Variants in ZZZ3 observed in about 807,000 individuals in gnomAD.
ZZZ3 encodes ZZ-type zinc finger-containing protein 3.
A neutral mutation model predicts 95.2 loss-of-function variants in ZZZ3; 22 were observed. The ratio of observed to expected loss-of-function variants is 0.23; its 90% CI spans 0.17 to 0.33. The LOEUF is 0.33. ZZZ3 is among the 10% of genes least tolerant of loss of function. The pLI, the probability that ZZZ3 is intolerant of heterozygous loss-of-function variation, is 1.00. For missense variants in ZZZ3, 885 were observed against 1,066.5 expected (o/e 0.83, Z 2.37); for synonymous variants, 335 against 358.9 (o/e 0.93, Z 0.75).
In ZZZ3 at chr1:77,578,935, A is replaced by C. The variant is rs1662235996; in HGVS notation, c.2083-66T>G. ...ATACAATACCTGAGTCGTTTTTAAAAATTAAAACGTACATGAGTATCTAAT... is the reference window on the plus strand; with the variant it reads ...ATACAATACCTGAGTCGTTTTTAAACATTAAAACGTACATGAGTATCTAAT... On this transcript the variant is annotated intron_variant, in intron 10 of 14. Coordinates refer to ENST00000370801, the MANE Select transcript of ZZZ3 (RefSeq NM_015534.6). 10 of 922,178 alleles carry C rather than the reference A, an allele frequency of 1.1e-5. No homozygotes were observed. In the South Asian group the frequency reaches 2.4e-4, roughly 22 times the overall value. 57.1% of individuals were successfully genotyped at this position (922,178 alleles called of 1,614,324 possible).
At chr1:77,598,211 G>A (rs772899374) in intron 5 of ZZZ3, among the ~76,000 whole-genome samples, 1 of 152,042 alleles carries the variant, frequency 6.6e-6, no homozygotes, top group Non-Finnish European at 1.5e-5. Flanking sequence ...TATTTTGTAT[G>A]ATACCTATAA....
chr1:77,668,276 C>T (rs373784458), intron 1 of ZZZ3, among the ~76,000 whole-genome samples: 27 of 152,218 alleles, frequency 1.8e-4, no homozygotes, highest in African/African-American at 3.6e-4. Flanking sequence ...CTGAAACCTG[C>T]TTTTCTGGGA....
chr1:77,680,633 C>G (rs907881387), intron 1 of ZZZ3, among the ~76,000 whole-genome samples: 4 of 152,166 alleles, frequency 2.6e-5, no homozygotes, highest in Admixed American at 6.5e-5. Flanking sequence ...AGCCGCTTAG[C>G]AACTTCAAGT....
chr1:77,575,613 T>G (rs537186627), intron 12 of ZZZ3, among the ~76,000 whole-genome samples: 1 of 152,168 alleles, frequency 6.6e-6, no homozygotes, highest in Admixed American at 6.5e-5. Flanking sequence ...AACAAAAACA[T>G]TGGGAGAGGG....
intron 5 of ZZZ3, among the ~76,000 whole-genome samples, chr1:77,586,820 C>T (rs1327635336): frequency 6.6e-6 from 1 of 152,084 alleles, no homozygotes; most frequent in African/African-American, 2.4e-5. Context: ...AGTAAGATTA[C>T]CATATATATC....
intron 1 of ZZZ3, among the ~76,000 whole-genome samples, chr1:77,656,401 T>C (rs1387062304): frequency 6.6e-6 from 1 of 152,172 alleles, no homozygotes; most frequent in Non-Finnish European, 1.5e-5. Flanking sequence ...CCATGCTCCA[T>C]CTGTCTTAAG....
At chr1:77,571,378 A>G (rs555707469) in intron 12 of ZZZ3, among the ~76,000 whole-genome samples, 1 of 152,332 alleles carries the variant, frequency 6.6e-6, no homozygotes, top group Admixed American at 6.5e-5. Context: ...TACAGCTCCT[A>G]TGGAAAACAG....
At chr1:77,593,467 T>C (rs1663918316) in intron 5 of ZZZ3, among the ~76,000 whole-genome samples, 2 of 152,182 alleles carry the variant, frequency 1.3e-5, no homozygotes, top group African/African-American at 4.8e-5. Context: ...CATGAAAAAC[T>C]AAACTTTATT....
intron 1 of ZZZ3, among the ~76,000 whole-genome samples, chr1:77,672,927 A>G (rs567110630): frequency 6.6e-6 from 1 of 152,206 alleles, no homozygotes; most frequent in African/African-American, 2.4e-5. Flanking sequence ...CAGATTAAAA[A>G]ACAAGTGATT....
chr1:77,587,506 C>T (rs184594637), intron 5 of ZZZ3, among the ~76,000 whole-genome samples: 5 of 152,130 alleles, frequency 3.3e-5, no homozygotes, highest in Non-Finnish European at 5.9e-5. Flanking sequence ...CCTCGTGATC[C>T]GCCCGCCTCG....
At chr1:77,573,693 T>A (rs1050378336) in intron 12 of ZZZ3, among the ~76,000 whole-genome samples, 11 of 152,238 alleles carry the variant, frequency 7.2e-5, no homozygotes, top group Admixed American at 2.0e-4. Flanking sequence ...AAGGAAATTT[T>A]AAAATTTTTA....
At chr1:77,591,595 C>T (rs899283022) in intron 5 of ZZZ3, among the ~76,000 whole-genome samples, 2 of 152,176 alleles carry the variant, frequency 1.3e-5, no homozygotes, top group Non-Finnish European at 2.9e-5. Flanking sequence ...CCTCCCAGGT[C>T]AGCCTACCAA....
chr1:77,581,585 G>A lies in ZZZ3; in HGVS notation c.1908+191C>T, dbSNP rs535224632. Among the ~76,000 whole-genome samples the A allele has an allele frequency of 8.4e-4, 128 of 152,294 alleles. 1 individual carries two copies. Among genetic ancestry groups the A allele is most frequent in the African/African-American group, 3.0e-3 (125 of 41,558 alleles). ...GAAACTGCAGCTTAGAGACTTCAACGTAAATGATGTCTGAAGGTTCACGGC... is the reference window on the plus strand; with the variant it reads ...GAAACTGCAGCTTAGAGACTTCAACATAAATGATGTCTGAAGGTTCACGGC... On this transcript the variant is annotated intron_variant, in intron 8 of 14. Transcript: ENST00000370801.
chr1:77,682,887 C>T (rs1672925678), upstream of ZZZ3, among the ~76,000 whole-genome samples: 1 of 152,208 alleles, frequency 6.6e-6, no homozygotes, highest in African/African-American at 2.4e-5. Flanking sequence ...TTAAAAACCT[C>T]CGATTACCAC....
At chr1:77,631,210 A>G (rs1667774915) in intron 5 of ZZZ3, among the ~76,000 whole-genome samples, 1 of 152,228 alleles carries the variant, frequency 6.6e-6, no homozygotes, top group East Asian at 1.9e-4. Context: ...TAATATTTTA[A>G]GATAGTCTTC....
At position 77,667,741 on chromosome 1, in the gene ZZZ3, T is replaced by C. The variant is rs539617359; in HGVS notation, c.-403+14844A>G. Reference sequence around the variant, plus strand: ...AATGATTTTTTAAATTAATCTTATATACCATTAGTTAAATGGGTATTCTTT... The same window carrying C: ...AATGATTTTTTAAATTAATCTTATACACCATTAGTTAAATGGGTATTCTTT... On this transcript the variant is annotated intron_variant, in intron 1 of 14. Coordinates refer to ENST00000370801, the MANE Select transcript of ZZZ3 (RefSeq NM_015534.6). 4.6e-4 allele frequency among the ~76,000 whole-genome samples: 70 copies of C among 151,374 alleles called. 1 individual carries two copies. Among genetic ancestry groups the C allele is most frequent in the African/African-American group, 1.7e-3 (70 of 41,222 alleles).
At chr1:77,617,750 C>T (rs1666451295) in intron 5 of ZZZ3, among the ~76,000 whole-genome samples, 2 of 149,862 alleles carry the variant, frequency 1.3e-5, no homozygotes, top group Admixed American at 1.3e-4. Flanking sequence ...ACCAGCCAAG[C>T]CAACACGTGA....
chr1:77,667,357 C>G (rs1443781496), intron 1 of ZZZ3, among the ~76,000 whole-genome samples: 1 of 152,166 alleles, frequency 6.6e-6, no homozygotes, highest in African/African-American at 2.4e-5. Context: ...AGGAATAAAA[C>G]TTTGTCTTTA....
intron 1 of ZZZ3, among the ~76,000 whole-genome samples, chr1:77,679,540 C>T (rs1261010629): frequency 6.6e-6 from 1 of 152,254 alleles, no homozygotes. Context: ...CCCACCTCGG[C>T]CTCCCAAAGT....
Sources: allele counts gnomAD v4.1 joint callset (sites outside exome capture counted in the v4.1 genomes callset), GRCh38; gene constraint gnomAD v4.1.1; transcripts MANE v1.5; gene names NCBI Gene and HGNC (gene_info 2026-07-23, HGNC 2026-07-21).